Variants in ZHX2 observed in about 807,000 individuals in gnomAD.
The protein encoded by ZHX2 is zinc fingers and homeoboxes 2, also known as zinc fingers and homeoboxes protein 2.
A neutral mutation model predicts 21.9 loss-of-function variants in ZHX2; 6 were observed. The ratio of observed to expected loss-of-function variants is 0.27; its 90% CI spans 0.15 to 0.54. The LOEUF (loss-of-function observed/expected upper bound fraction) is 0.54. Ranked by LOEUF, ZHX2 falls within the 20% of genes least tolerant of loss-of-function variation. The probability of loss-of-function intolerance (pLI) is 0.95; values close to 1 mark genes in which losing one functional copy is unlikely to be tolerated. For synonymous variants in ZHX2, 434 were observed against 437.1 expected, an observed-to-expected ratio of 0.99 and a Z score of 0.09; for missense variants, 908 against 1,090.7, an observed-to-expected ratio of 0.83 and a Z score of 2.36.
chr8:122,837,572 C>T (rs900999981), intron 1 of ZHX2, among the ~76,000 whole-genome samples: 4 of 152,258 alleles, frequency 2.6e-5, no homozygotes, highest in South Asian at 2.1e-4. Context: ...GGGTGTAATT[C>T]GGCTAAATTA....
chr8:122,930,848 G>C (rs144261988), intron 2 of ZHX2, among the ~76,000 whole-genome samples: 1 of 152,072 alleles, frequency 6.6e-6, no homozygotes, highest in African/African-American at 2.4e-5. Context: ...AGACCCATGG[G>C]AAGTAGGGGG....
rs192555569 is a variant in ZHX2, at chr8:122,897,796, G to T, written c.-220+34257G>T. On this transcript the variant is annotated intron_variant, in intron 2 of 3. Transcript: ENST00000314393. ...AGTCAACTCTCTGGGTAACCAGATG[G>T]TTGGAAGTGGGGCTAAGAGGGTCAC... is the stretch of plus-strand genomic sequence containing the variant. 6.1e-4 allele frequency among the ~76,000 whole-genome samples: 93 copies of T among 152,262 alleles called. 1 individual carries two copies. Among genetic ancestry groups the T allele is most frequent in the Non-Finnish European group, 2.1e-4 (14 of 68,024 alleles).
At chr8:122,904,011 A>C (rs991191055) in intron 2 of ZHX2, among the ~76,000 whole-genome samples, 2 of 152,192 alleles carry the variant, frequency 1.3e-5, no homozygotes, top group African/African-American at 2.4e-5. Context: ...AAGGCAGACT[A>C]ACTAGGGACC....
At chr8:122,877,809 G>A (rs981413057) in intron 2 of ZHX2, among the ~76,000 whole-genome samples, 2 of 152,128 alleles carry the variant, frequency 1.3e-5, no homozygotes, top group African/African-American at 4.8e-5. Context: ...CTGGAGGAGG[G>A]GAACTATGGA....
At chr8:122,803,386 C>T (rs1205283962) in intron 1 of ZHX2, among the ~76,000 whole-genome samples, 1 of 152,220 alleles carries the variant, frequency 6.6e-6, no homozygotes, top group Non-Finnish European at 1.5e-5. Flanking sequence ...GGTATCAGGT[C>T]TCCTGTCATC....
rs760366192 is a variant in ZHX2 at position 122,953,452 on chromosome 8, G to A, written c.1942G>A (p.Ala648Thr). 6.8e-6 allele frequency: 11 copies of A among 1,614,210 alleles called. No homozygotes were observed. In the East Asian group the frequency reaches 8.9e-5, roughly 13 times the overall value. The change falls in exon 3 of 4, where the codon GCA becomes ACA. Residue 648 changes from alanine to threonine, a missense_variant. Physicochemically the swap from Ala to Thr is moderately conservative, Grantham distance 58. Around this residue, in one of 4 missense-constraint regions of ZHX2, gnomAD observed 431 missense variants for 428.6 expected, o/e 1.01. Transcript: ENST00000314393. This position sits in a 1 kb window ranked among gnomAD's most constrained non-coding sequence, Gnocchi z 4.6. ...EQVHLLRSTF[A>T]RTQWPTPQEY... ...GGTTCATCTCCTGAGGAGCACGTTT[G>A]CAAGAACCCAGTGGCCTACTCCCCA...
intron 1 of ZHX2, among the ~76,000 whole-genome samples, chr8:122,785,430 G>A (rs572411882): frequency 6.6e-6 from 1 of 152,336 alleles, no homozygotes; most frequent in South Asian, 2.1e-4. Context: ...TGGTAGGAAA[G>A]TGGCTGCTAC....
At chr8:122,851,189 G>A (rs1426143156) in intron 1 of ZHX2, among the ~76,000 whole-genome samples, 9 of 152,102 alleles carry the variant, frequency 5.9e-5, no homozygotes, top group Non-Finnish European at 1.2e-4. Flanking sequence ...CAGACAGAAC[G>A]GCCAAGATTT....
intron 2 of ZHX2, among the ~76,000 whole-genome samples, chr8:122,891,845 G>T (rs1198754822): frequency 1.3e-5 from 2 of 152,152 alleles, no homozygotes; most frequent in Non-Finnish European, 2.9e-5. Context: ...CTAATGTATG[G>T]TCTATCCTGG....
chr8:122,819,079 A>G (rs1818088991), intron 1 of ZHX2, among the ~76,000 whole-genome samples: 1 of 152,240 alleles, frequency 6.6e-6, no homozygotes, highest in Admixed American at 6.5e-5. Context: ...CTCAGCCTCC[A>G]TCTGCAAGGA....
At chr8:122,785,332 C>T (rs2130512276) in intron 1 of ZHX2, among the ~76,000 whole-genome samples, 1 of 152,294 alleles carries the variant, frequency 6.6e-6, no homozygotes, top group East Asian at 1.9e-4. Flanking sequence ...GAGATGATGC[C>T]TCAGCTGTAC....
intron 2 of ZHX2, among the ~76,000 whole-genome samples, chr8:122,926,260 T>C (rs982186246): frequency 9.2e-5 from 14 of 152,180 alleles, no homozygotes; most frequent in Non-Finnish European, 2.1e-4. Flanking sequence ...GCTCCTCTGT[T>C]GATGCCGGTG....
chr8:122,838,573 AT>A (rs34833602), intron 1 of ZHX2, among the ~76,000 whole-genome samples: 7,593 of 117,736 alleles, frequency 0.064, 177 homozygotes, highest in African/African-American at 0.15. Flanking sequence ...TAGTAATGTG[AT>A]TTTTTTTTTT....
At chr8:122,797,556 C>T (rs1586575924) in intron 1 of ZHX2, among the ~76,000 whole-genome samples, 1 of 152,282 alleles carries the variant, frequency 6.6e-6, no homozygotes, top group Middle Eastern at 3.4e-3. Flanking sequence ...GAACAGGATT[C>T]CTGAATCCAG....
intron 2 of ZHX2, among the ~76,000 whole-genome samples, chr8:122,947,385 T>C (rs924178148): frequency 2.0e-5 from 3 of 152,196 alleles, no homozygotes; most frequent in Non-Finnish European, 4.4e-5. Flanking sequence ...CCAGCCACAA[T>C]TGCTTCTTGA....
intron 3 of ZHX2, among the ~76,000 whole-genome samples, chr8:122,967,000 T>C (rs965079359): frequency 1.3e-5 from 2 of 152,370 alleles, no homozygotes; most frequent in African/African-American, 2.4e-5. Flanking sequence ...TTCCAGAAGT[T>C]GTGACTGTCT....
rs540825259 is a variant in ZHX2, at chr8:122,950,100, T to G, written c.-219-1192T>G. On this transcript the variant is annotated intron_variant, in intron 2 of 3. Transcript: ENST00000314393. Reference sequence around the variant, plus strand: ...AAAAGGCCAGTTGAGGCCAAAACTCTGCCATACATATGGGTCAAGAGAACC... The same window carrying G: ...AAAAGGCCAGTTGAGGCCAAAACTCGGCCATACATATGGGTCAAGAGAACC... Among the ~76,000 whole-genome samples, 9 of 152,258 alleles carry G rather than the reference T, an allele frequency of 5.9e-5. No individual in the cohort carries two copies. In the East Asian group the frequency reaches 1.4e-3, roughly 23 times the overall value.
At chr8:122,946,010 G>C (rs138298144) in intron 2 of ZHX2, among the ~76,000 whole-genome samples, 2 of 152,282 alleles carry the variant, frequency 1.3e-5, no homozygotes, top group African/African-American at 4.8e-5. Context: ...GTTCAGACCC[G>C]CTGAGACACT....
At chr8:122,856,781 G>T (rs999989366) in intron 1 of ZHX2, among the ~76,000 whole-genome samples, 1 of 152,082 alleles carries the variant, frequency 6.6e-6, no homozygotes, top group Non-Finnish European at 1.5e-5. Flanking sequence ...ATTGCTGGGG[G>T]ATCTGAAAGG....
Sources: gnomAD v4.1 joint callset for allele counts (sites outside exome capture counted in the v4.1 genomes callset) on GRCh38, gnomAD v4.1.1 for gene constraint, gnomAD v4.1.1 regional missense constraint, Gnocchi (gnomAD v3.1) non-coding constraint, MANE v1.5 for transcripts, NCBI Gene and HGNC (gene_info 2026-07-23, HGNC 2026-07-21) for gene names.